Variants in PIBF1 observed in about 807,000 individuals in gnomAD.
PIBF1 encodes progesterone-induced-blocking factor 1.
A neutral mutation model predicts 112.5 loss-of-function variants in PIBF1; 90 were observed. The ratio of observed to expected loss-of-function variants is 0.80; its 90% CI spans 0.67 to 0.95. PIBF1 has a LOEUF of 0.95. Among genes scored for constraint, PIBF1 ranks in the 40% least tolerant of loss-of-function variants. The pLI is 0.00. For missense variants in PIBF1, 915 were observed against 852.3 expected, an observed-to-expected ratio of 1.07 and a Z score of -0.92; for synonymous variants, 301 against 288.6, an observed-to-expected ratio of 1.04 and a Z score of -0.44.
chr13:72,827,542 C>T (rs940188204), intron 7 of PIBF1, among the ~76,000 whole-genome samples, 191 bp from the exon 8 acceptor site: 2 of 152,026 alleles, frequency 1.3e-5, no homozygotes, highest in African/African-American at 4.8e-5. Flanking sequence ...AGCAACCATG[C>T]CCAGCCCCAA....
chr13:72,980,800 T>C (rs1384734204), intron 16 of PIBF1, among the ~76,000 whole-genome samples: 7 of 146,870 alleles, frequency 4.8e-5, no homozygotes, highest in Admixed American at 2.7e-4. Flanking sequence ...GTCAGAGCCC[T>C]ATCTCCAAAA....
chr13:72,783,376 G>A (rs954830723), intron 1 of PIBF1, 47 bp from the exon 2 acceptor site: 1 of 854,730 alleles, frequency 1.2e-6, no homozygotes, highest in East Asian at 2.6e-5. Flanking sequence ...CATGATTTCT[G>A]TAGTTAATTT....
At chr13:72,987,031 C>T (rs1273244688) in intron 16 of PIBF1, among the ~76,000 whole-genome samples, 1 of 152,270 alleles carries the variant, frequency 6.6e-6, no homozygotes, top group East Asian at 1.9e-4. Context: ...GTAGATAAAC[C>T]TGCTCTGCTC....
Position 72,935,563 on chromosome 13 carries a change from A to G in PIBF1, c.1833+4296A>G, listed in dbSNP as rs137925625. On this transcript the variant is annotated intron_variant, in intron 14 of 17. Coordinates refer to ENST00000326291, the MANE Select transcript of PIBF1 (RefSeq NM_006346.4). ...CATTTCTCTTGGGTAAATATCTAGG[A>G]GTAGACTGGCCGGATCATATCGTAG... is the stretch of plus-strand genomic sequence containing the variant. Among the ~76,000 whole-genome samples the G allele has an allele frequency of 1.1e-4, 17 of 152,300 alleles. No individual in the cohort carries two copies. The East Asian group carries it at 3.3e-3, about 29-fold the overall frequency.
intron 10 of PIBF1, among the ~76,000 whole-genome samples, chr13:72,857,828 G>A (rs1005262293): frequency 6.6e-6 from 1 of 152,120 alleles, no homozygotes; most frequent in Non-Finnish European, 1.5e-5. Flanking sequence ...CTACAAGAGT[G>A]AAACTCTGTC....
intron 9 of PIBF1, among the ~76,000 whole-genome samples, chr13:72,835,694 T>C (rs766551274): frequency 2.0e-5 from 3 of 152,212 alleles, no homozygotes; most frequent in Non-Finnish European, 4.4e-5. Context: ...TCCTGTATTA[T>C]AGCAACGATT....
intron 14 of PIBF1, among the ~76,000 whole-genome samples, chr13:72,939,052 A>AT (rs1306786961): frequency 6.6e-6 from 1 of 152,148 alleles, no homozygotes; most frequent in Non-Finnish European, 1.5e-5. Context: ...TTCTTTATAT[A>AT]TTCTGGACAC....
chr13:72,908,303 G>A (rs1424086060), intron 11 of PIBF1, among the ~76,000 whole-genome samples: 1 of 151,756 alleles, frequency 6.6e-6, no homozygotes, highest in Non-Finnish European at 1.5e-5. Flanking sequence ...TTTTTATTCA[G>A]CTTATAAAAT....
At chr13:72,891,433 T>C (rs958936874) in intron 10 of PIBF1, among the ~76,000 whole-genome samples, 6 of 152,144 alleles carry the variant, frequency 3.9e-5, no homozygotes, top group African/African-American at 1.4e-4. Context: ...ATAAAACAAC[T>C]TGCCTCAAAG....
At chr13:72,970,583 A>C (rs1297414483) in intron 15 of PIBF1, 1 of 152,194 alleles carries the variant, frequency 6.6e-6, no homozygotes, top group Non-Finnish European at 1.5e-5. Flanking sequence ...TGAATTTCTA[A>C]GTAATAATTA....
At chr13:72,983,596 T>C (rs566111494) in intron 16 of PIBF1, among the ~76,000 whole-genome samples, 1 of 152,296 alleles carries the variant, frequency 6.6e-6, no homozygotes, top group South Asian at 2.1e-4. Context: ...ACAGTATAAT[T>C]ATCATTCTTT....
intron 9 of PIBF1, among the ~76,000 whole-genome samples, chr13:72,849,369 G>A (rs551853972): frequency 6.2e-4 from 94 of 152,210 alleles, no homozygotes; most frequent in Middle Eastern, 3.4e-3. Flanking sequence ...TACATGCTAC[G>A]GATAGCTTCT....
intron 14 of PIBF1, among the ~76,000 whole-genome samples, chr13:72,952,392 C>T (rs956436553): frequency 3.3e-5 from 5 of 151,922 alleles, no homozygotes; most frequent in African/African-American, 1.2e-4. Flanking sequence ...ACCTTTCTCT[C>T]ATATCTCCTT....
chr13:72,922,221 T>A (rs765288127), intron 13 of PIBF1, among the ~76,000 whole-genome samples: 7 of 152,152 alleles, frequency 4.6e-5, no homozygotes, highest in Middle Eastern at 3.4e-3. Context: ...CAAGCAATCA[T>A]CCCACCTCAG....
At chr13:73,008,964 GTC>G (rs1447555054) in intron 17 of PIBF1, among the ~76,000 whole-genome samples, 1 of 152,166 alleles carries the variant, frequency 6.6e-6, no homozygotes, top group Non-Finnish European at 1.5e-5. Context: ...AAATTGTTCA[GTC>G]TCTCACATAC....
At chr13:72,860,308 G>GGGGT (rs1476594319) in intron 10 of PIBF1, among the ~76,000 whole-genome samples, 59 of 143,148 alleles carry the variant, frequency 4.1e-4, no homozygotes, top group Admixed American at 3.6e-3. Context: ...TTTTTTTAGG[G>GGGGT]GTGTGTGTGT....
chr13:72,933,093 T>TA lies in PIBF1; in HGVS notation c.1833+1828dup, dbSNP rs3077700. Among the ~76,000 whole-genome samples the TA allele has an allele frequency of 9.1e-4, 138 of 151,796 alleles. 1 individual carries two copies. Among genetic ancestry groups the TA allele is most frequent in the Middle Eastern group, 6.8e-3 (2 of 292 alleles). The stretch of plus-strand genomic sequence containing the variant: ...CACTGCTAGGTGGAAGCAGAAAAGA[T>TA]AATAAACAAACAAACAAACCTCTGT... On this transcript the variant is annotated intron_variant, in intron 14 of 17. Transcript: ENST00000326291.
intron 9 of PIBF1, 114 bp downstream of exon 9, chr13:72,835,482 A>G: frequency 1.3e-6 from 1 of 742,446 alleles, no homozygotes; most frequent in Non-Finnish European, 2.0e-6. Context: ...CATTAGAGAA[A>G]ACTTGTCATA....
chr13:72,858,675 A>G (rs899435815), intron 10 of PIBF1, among the ~76,000 whole-genome samples: 6 of 152,204 alleles, frequency 3.9e-5, no homozygotes, highest in Non-Finnish European at 8.8e-5. Flanking sequence ...TTTGTACCTC[A>G]TACATATTGA....
Sources: gnomAD v4.1 joint callset for allele counts (sites outside exome capture counted in the v4.1 genomes callset) on GRCh38, gnomAD v4.1.1 for gene constraint, MANE v1.5 for transcripts, NCBI Gene and HGNC (gene_info 2026-07-23, HGNC 2026-07-21) for gene names.